The following POU2F1 variants were observed in gnomAD, a reference collection of about 807,000 sequenced individuals.
The protein encoded by POU2F1 is POU domain, class 2, transcription factor 1.
In POU2F1, 16 loss-of-function variants were observed where a neutral mutation model predicts 84.9. The observed-to-expected ratio is 0.19, with a 90% CI of 0.13 to 0.29. The LOEUF (loss-of-function observed/expected upper bound fraction) is 0.29, where lower values mean the gene tolerates loss of function less well. Among genes scored for constraint, POU2F1 ranks in the 10% least tolerant of loss-of-function variants. The probability of loss-of-function intolerance (pLI) is 1.00; values close to 1 mark genes in which losing one functional copy is unlikely to be tolerated. For synonymous variants in POU2F1, 368 were observed against 368.3 expected (o/e 1.00, Z 0.01); for missense variants, 738 against 942.6 (o/e 0.78, Z 2.84).
At chr1:167,241,896 C>T (rs1264786121) in intron 1 of POU2F1, among the ~76,000 whole-genome samples, 2 of 152,138 alleles carry the variant, frequency 1.3e-5, no homozygotes, top group East Asian at 1.9e-4. Flanking sequence ...TTCATGCTAA[C>T]TTTAGTTGAC....
At chr1:167,233,708 A>T (rs564556640) in intron 1 of POU2F1, among the ~76,000 whole-genome samples, 1 of 152,356 alleles carries the variant, frequency 6.6e-6, no homozygotes, top group Admixed American at 6.5e-5. Flanking sequence ...TTCAAGGAAC[A>T]AAAGTTCAGC....
Position 167,222,961 on chromosome 1 carries a change from T to C in POU2F1, c.61+2003T>C, listed in dbSNP as rs370355525. 2.6e-5 allele frequency among the ~76,000 whole-genome samples: 4 copies of C among 152,180 alleles called. No individual in the cohort carries two copies. The East Asian group carries it at 7.7e-4, about 29-fold the overall frequency. ...TGTAGTATTTGTAAAACTGACACTT[T>C]TTTTTTCCTCTAGGAGTTGTGGAGT... On this transcript the variant is annotated intron_variant, in intron 1 of 15. Transcript: ENST00000367866.
chr1:167,282,848 C>T (rs2102506309), intron 1 of POU2F1, among the ~76,000 whole-genome samples: 2 of 152,286 alleles, frequency 1.3e-5, no homozygotes, highest in East Asian at 1.9e-4. Flanking sequence ...GCCTACTGTC[C>T]AGGTTAAAAC....
intron 1 of POU2F1, among the ~76,000 whole-genome samples, chr1:167,258,812 A>G (rs1027726817): frequency 5.9e-5 from 9 of 152,270 alleles, no homozygotes; most frequent in African/African-American, 2.2e-4. Flanking sequence ...ATACAGGTCT[A>G]CTAATGAGAA....
chr1:167,263,717 G>A (rs1468265029), intron 1 of POU2F1, among the ~76,000 whole-genome samples: 1 of 152,124 alleles, frequency 6.6e-6, no homozygotes, highest in Non-Finnish European at 1.5e-5. Flanking sequence ...CAACAGTCAA[G>A]GCCCTCCCTC....
chr1:167,393,342 G>A (rs1648561806), intron 9 of POU2F1, among the ~76,000 whole-genome samples: 1 of 152,176 alleles, frequency 6.6e-6, no homozygotes, highest in African/African-American at 2.4e-5. Context: ...CAATTTAAAT[G>A]TGAAATAAAA....
At chr1:167,222,039 C>A (rs1413530213) in intron 1 of POU2F1, among the ~76,000 whole-genome samples, 2 of 152,138 alleles carry the variant, frequency 1.3e-5, no homozygotes, top group Non-Finnish European at 2.9e-5. Flanking sequence ...TTCCCCCCAC[C>A]CCCTGCGCCT....
At chr1:167,390,421 T>C (rs1016342508) in intron 9 of POU2F1, among the ~76,000 whole-genome samples, 1 of 152,152 alleles carries the variant, frequency 6.6e-6, no homozygotes, top group Non-Finnish European at 1.5e-5. Flanking sequence ...ATATGTAAGA[T>C]TGAGAGAGTA....
intron 2 of POU2F1, among the ~76,000 whole-genome samples, chr1:167,361,509 C>A (rs999328634): frequency 1.3e-5 from 2 of 152,048 alleles, no homozygotes; most frequent in African/African-American, 4.8e-5. Context: ...CCCTTACATC[C>A]CAGAAATAAA....
intron 1 of POU2F1, among the ~76,000 whole-genome samples, chr1:167,295,622 A>C (rs1329304562): frequency 6.6e-6 from 1 of 152,198 alleles, no homozygotes. Context: ...CCACTATATA[A>C]TCCATCCATG....
At position 167,427,261 on chromosome 1, in the gene POU2F1, A is replaced by T. The variant is rs1358287455; in HGVS notation, c.*11451A>T. The stretch of plus-strand genomic sequence containing the variant: ...ATGCATTTGTCTGCTGTAATTTTTT[A>T]TATATATATTAAACTTACTGTAACT... On this transcript the variant is annotated 3_prime_UTR_variant, in exon 16 of 16. Coordinates refer to ENST00000367866, the MANE Select transcript of POU2F1 (RefSeq NM_002697.4). 1.3e-5 allele frequency: 2 copies of T among 152,032 alleles called. No individual in the cohort carries two copies. Among genetic ancestry groups the T allele is most frequent in the Non-Finnish European group, 2.9e-5 (2 of 68,008 alleles). The allele number at this position is 152,032 out of a possible 1,614,324, so 9.4% of individuals were successfully genotyped here. A position where few individuals can be genotyped will look rare whatever the true frequency, so the allele number is the denominator to read the frequency against.
At position 167,386,978 on chromosome 1, in the gene POU2F1, T is replaced by A. The variant is rs79594660; in HGVS notation, c.814-2610T>A. ...CTGCTACTGCAATTAGTAGCAGTTG[T>A]ATGACTGTAGTTGCTGAAACATATA... On this transcript the variant is annotated intron_variant, in intron 8 of 15. Coordinates refer to ENST00000367866, the MANE Select transcript of POU2F1 (RefSeq NM_002697.4). Among the ~76,000 whole-genome samples, 1,023 of 152,344 alleles carry A rather than the reference T, an allele frequency of 6.7e-3. 8 individuals carry two copies. Among genetic ancestry groups the A allele is most frequent in the African/African-American group, 0.023 (971 of 41,570 alleles).
At chr1:167,336,616 AAATT>A (rs1257413437) in intron 2 of POU2F1, among the ~76,000 whole-genome samples, 2 of 152,218 alleles carry the variant, frequency 1.3e-5, no homozygotes, top group African/African-American at 4.8e-5. Context: ...CAAGATAAAT[AAATT>A]AAGTGTAAGG....
chr1:167,280,053 A>C lies in POU2F1; in HGVS notation c.62-52417A>C, dbSNP rs181307820. Among the ~76,000 whole-genome samples the C allele has an allele frequency of 4.9e-3, 744 of 152,112 alleles. 2 individuals carry two copies. The highest frequency in any genetic ancestry group is 0.015 in the South Asian group (72 of 4,804). On this transcript the variant is annotated intron_variant, in intron 1 of 15. Transcript: ENST00000367866. ...AAACCCCGTTTTTACTGAAAATACAAAAATTAGCCAGGCGCCTGTAATCTC... is the reference window on the plus strand; with the variant it reads ...AAACCCCGTTTTTACTGAAAATACACAAATTAGCCAGGCGCCTGTAATCTC...
At position 167,412,309 on chromosome 1, in the gene POU2F1, G is replaced by T; in HGVS notation, c.1901+5G>T. On this transcript the variant is annotated splice_donor_5th_base_variant and intron_variant, in intron 14 of 15. Coordinates refer to ENST00000367866, the MANE Select transcript of POU2F1 (RefSeq NM_002697.4). ...ACCCTCACAGTTTGCGGCTGGGTAAGGCGCTTTCTCATCTCATTCACGTCT... is the reference window on the plus strand; with the variant it reads ...ACCCTCACAGTTTGCGGCTGGGTAATGCGCTTTCTCATCTCATTCACGTCT... 1 of 1,529,130 alleles carries T rather than the reference G, an allele frequency of 6.5e-7. No individual in the cohort carries two copies. Among genetic ancestry groups the T allele is most frequent in the South Asian group, 1.2e-5 (1 of 81,570 alleles). 94.7% of individuals were successfully genotyped at this position (1,529,130 alleles called of 1,614,324 possible). A position where few individuals can be genotyped will look rare whatever the true frequency, so the allele number is the denominator to read the frequency against.
In POU2F1 at chr1:167,416,087, T is replaced by TAACAAAAAAAA. The variant is rs1650294767; in HGVS notation, c.*279_*280insCAAAAAAAAAA. ...ATTGGAGAACTTTCTAACCAAAAAT[T>TAACAAAAAAAA]AAAAAAAAAAAAAAAAAAAGAAACA... On this transcript the variant is annotated 3_prime_UTR_variant, in exon 16 of 16. Coordinates refer to ENST00000367866, the MANE Select transcript of POU2F1 (RefSeq NM_002697.4). The TAACAAAAAAAA allele has an allele frequency of 5.7e-6, 2 of 351,668 alleles. No individual in the cohort carries two copies. The highest frequency in any genetic ancestry group is 1.0e-5 in the Non-Finnish European group (2 of 193,184). The allele number at this position is 351,668 out of a possible 1,614,324, so 21.8% of individuals were successfully genotyped here.
intron 1 of POU2F1, among the ~76,000 whole-genome samples, chr1:167,289,113 C>T (rs1158147609): frequency 1.3e-5 from 2 of 152,136 alleles, no homozygotes; most frequent in African/African-American, 2.4e-5. Flanking sequence ...TAGCATTTTG[C>T]TAGATGAGCT....
intron 14 of POU2F1, 133 bp from the exon 15 acceptor site, chr1:167,412,893 A>G: frequency 1.5e-6 from 1 of 684,378 alleles, no homozygotes; most frequent in Non-Finnish European, 2.5e-6. Flanking sequence ...AAACCATAGA[A>G]GAGTAAAGAA....
chr1:167,245,411 ATTT>A (rs985054717), intron 1 of POU2F1, among the ~76,000 whole-genome samples: 6 of 132,462 alleles, frequency 4.5e-5, no homozygotes, highest in Admixed American at 7.8e-5. Context: ...TGCCTGGCTA[ATTT>A]TTTTTTTTTT....
Sources: gnomAD v4.1 joint callset for allele counts (sites outside exome capture counted in the v4.1 genomes callset) on GRCh38, gnomAD v4.1.1 for gene constraint, MANE v1.5 for transcripts, NCBI Gene and HGNC (gene_info 2026-07-23, HGNC 2026-07-21) for gene names.